The following SH3BP4 variants were observed in gnomAD, a reference collection of about 807,000 sequenced individuals.
SH3BP4 encodes SH3 domain-binding protein 4.
SH3BP4 carries 33 observed loss-of-function variants against 65.5 expected under a neutral mutation model. The ratio of observed to expected loss-of-function variants is 0.50; its 90% CI spans 0.38 to 0.67. The LOEUF (loss-of-function observed/expected upper bound fraction) is 0.67. SH3BP4 is among the 30% of genes least tolerant of loss of function. The pLI is 0.00. For synonymous variants in SH3BP4, 552 were observed against 545.5 expected (o/e 1.01, Z -0.17); for missense variants, 1,134 against 1,261.4 (o/e 0.90, Z 1.53).
rs1245382212 is a variant in SH3BP4 at position 235,026,094 on chromosome 2, C to T, written c.-132-8777C>T. The stretch of plus-strand genomic sequence containing the variant: ...TCTGTGCAGTGTGCTGAGAACAACC[C>T]TACAGAGGGGATGGGGGAGGGATGG... On this transcript the variant is annotated intron_variant, in intron 2 of 5. Transcript: ENST00000392011. This position sits in a 1 kb window ranked among gnomAD's most constrained non-coding sequence, Gnocchi z 4.6. Among the ~76,000 whole-genome samples, 1 of 151,934 alleles carries T rather than the reference C, an allele frequency of 6.6e-6. No homozygotes were observed. Among genetic ancestry groups the T allele is most frequent in the Non-Finnish European group, 1.5e-5 (1 of 67,978 alleles).
At chr2:234,984,984 C>T (rs1458868607) in intron 1 of SH3BP4, among the ~76,000 whole-genome samples, 4 of 152,072 alleles carry the variant, frequency 2.6e-5, no homozygotes, top group Non-Finnish European at 5.9e-5. Context: ...GAGACTATGC[C>T]CTAGAATTGT....
intron 3 of SH3BP4, among the ~76,000 whole-genome samples, chr2:235,037,808 C>T (rs1473934763): frequency 6.6e-6 from 1 of 152,122 alleles, no homozygotes; most frequent in East Asian, 1.9e-4. Context: ...TCAGCCTGAC[C>T]CACATCAATT....
intron 5 of SH3BP4, among the ~76,000 whole-genome samples, chr2:235,053,021 T>C (rs1696111257): frequency 6.6e-6 from 1 of 152,236 alleles, no homozygotes; most frequent in Non-Finnish European, 1.5e-5. Flanking sequence ...CTTGTTCATT[T>C]TGATCTTAAA....
At chr2:235,028,979 A>G (rs1256335614) in intron 2 of SH3BP4, among the ~76,000 whole-genome samples, 2 of 152,286 alleles carry the variant, frequency 1.3e-5, no homozygotes, top group East Asian at 3.9e-4. Flanking sequence ...GAAGCTGCTG[A>G]TGAGAGCCCA....
intron 1 of SH3BP4, among the ~76,000 whole-genome samples, chr2:234,958,648 A>G (rs2106238959): frequency 6.6e-6 from 1 of 151,326 alleles, no homozygotes; most frequent in Admixed American, 6.6e-5. Context: ...GGATGGGAGA[A>G]CAAGTGCCCT....
At chr2:234,957,113 C>T (rs1307265363) in intron 1 of SH3BP4, among the ~76,000 whole-genome samples, 40 of 152,172 alleles carry the variant, frequency 2.6e-4, no homozygotes, top group Admixed American at 2.3e-3. Flanking sequence ...CTCCACCTCC[C>T]AGATTCAAGC....
At position 235,011,204 on chromosome 2, in the gene SH3BP4, C is replaced by G. The variant is rs770903406; in HGVS notation, c.-133+15828C>G. Among the ~76,000 whole-genome samples the G allele has an allele frequency of 5.4e-3, 809 of 150,852 alleles. 6 individuals carry two copies. The highest frequency in any genetic ancestry group is 0.017 in the African/African-American group (715 of 40,870). ...CCTAGGAGAACCCTTCCTCCCTCTCCTAGAACCCTTCCTCTCTCTCCTAGG... is the reference window on the plus strand; with the variant it reads ...CCTAGGAGAACCCTTCCTCCCTCTCGTAGAACCCTTCCTCTCTCTCCTAGG... On this transcript the variant is annotated intron_variant, in intron 2 of 5. Coordinates refer to ENST00000392011, the MANE Select transcript of SH3BP4 (RefSeq NM_014521.3).
At position 235,045,850 on chromosome 2, in the gene SH3BP4, T is replaced by C. The variant is rs769892883; in HGVS notation, c.2478+2603T>C. On this transcript the variant is annotated intron_variant, in intron 4 of 5. Coordinates refer to ENST00000392011, the MANE Select transcript of SH3BP4 (RefSeq NM_014521.3). This position sits in a 1 kb window ranked among gnomAD's most constrained non-coding sequence, Gnocchi z 4.3. ...TTTAGCATAGCTTTCGGTGTCCTTG[T>C]TCTGATGCCTTGGGTTGGAAACAGT... Among the ~76,000 whole-genome samples, 23 of 152,166 alleles carry C rather than the reference T, an allele frequency of 1.5e-4. No individual in the cohort carries two copies. The highest frequency in any genetic ancestry group is 2.9e-4 in the Non-Finnish European group (20 of 68,032).
At chr2:235,039,198 A>G (rs1242270026) in intron 3 of SH3BP4, among the ~76,000 whole-genome samples, 2 of 152,054 alleles carry the variant, frequency 1.3e-5, no homozygotes, top group Non-Finnish European at 2.9e-5. Context: ...TCACAGGAGG[A>G]GGTAGGTGGG....
At chr2:235,015,372 C>T (rs973553541) in intron 2 of SH3BP4, among the ~76,000 whole-genome samples, 6 of 152,218 alleles carry the variant, frequency 3.9e-5, no homozygotes, top group Non-Finnish European at 8.8e-5. Flanking sequence ...AACTTCTAAC[C>T]TCTGCAGAGC....
At chr2:235,011,690 T>C (rs1574818566) in intron 2 of SH3BP4, among the ~76,000 whole-genome samples, 2 of 152,382 alleles carry the variant, frequency 1.3e-5, no homozygotes, top group African/African-American at 4.8e-5. Context: ...ATTTAGTGAA[T>C]GTCCTTCCTC....
At chr2:235,001,447 C>G (rs1009163535) in intron 2 of SH3BP4, among the ~76,000 whole-genome samples, 4 of 152,176 alleles carry the variant, frequency 2.6e-5, no homozygotes, top group Admixed American at 2.6e-4. Context: ...GCCTCAATGT[C>G]TTGGCCAGAG....
At chr2:234,971,080 A>G (rs1452485514) in intron 1 of SH3BP4, among the ~76,000 whole-genome samples, 1 of 152,230 alleles carries the variant, frequency 6.6e-6, no homozygotes, top group African/African-American at 2.4e-5. Context: ...TCTGGAGCAT[A>G]CAGTTCAGTT....
rs940749925 is a variant in SH3BP4 at position 234,977,299 on chromosome 2, G to A, written c.-206-18004G>A. 6.6e-6 allele frequency among the ~76,000 whole-genome samples: 1 copy of A among 152,082 alleles called. No individual in the cohort carries two copies. Among genetic ancestry groups the A allele is most frequent in the African/African-American group, 2.4e-5 (1 of 41,398 alleles). The stretch of plus-strand genomic sequence containing the variant: ...GAACTTCCCTTTCCTACAGACCCTC[G>A]CTTGGTGCGCCATGGCAGCTGGGCC... On this transcript the variant is annotated intron_variant, in intron 1 of 5. Transcript: ENST00000392011. This position sits in a 1 kb window ranked among gnomAD's most constrained non-coding sequence, Gnocchi z 5.1.
chr2:235,038,381 ATATATATAT>A (rs1559254709), intron 3 of SH3BP4, among the ~76,000 whole-genome samples: 1,380 of 40,360 alleles, frequency 0.034, 150 homozygotes, highest in African/African-American at 0.17. Context: ...ATATACATAT[ATATATATAT>A]ATATATATAT....
At chr2:234,993,127 G>C (rs370400062) in intron 1 of SH3BP4, among the ~76,000 whole-genome samples, 2 of 152,230 alleles carry the variant, frequency 1.3e-5, no homozygotes, top group Non-Finnish European at 2.9e-5. Flanking sequence ...CCTGCCTTGG[G>C]CTTGTCTCAG....
intron 4 of SH3BP4, among the ~76,000 whole-genome samples, chr2:235,051,513 C>T (rs563415510): frequency 1.6e-3 from 242 of 152,310 alleles, no homozygotes; most frequent in African/African-American, 5.6e-3. Context: ...ATTACCTCCC[C>T]TCTGACTTCC....
chr2:235,041,375 C>G lies in SH3BP4; in HGVS notation c.606C>G (p.Phe202Leu). The change falls in exon 4 of 6, where the codon TTC becomes TTG. Residue 202 changes from phenylalanine to leucine, a missense_variant. Transcript: ENST00000392011. This position sits in a 1 kb window ranked among gnomAD's most constrained non-coding sequence, Gnocchi z 6.0. ...LLLFDAGTSS[F>L]TESSSATTNS... ...TTTTTGACGCAGGTACATCCTCCTTCACCGAATCCAGCTCAGCCACCACGA... is the reference window on the plus strand; with the variant it reads ...TTTTTGACGCAGGTACATCCTCCTTGACCGAATCCAGCTCAGCCACCACGA... 1 of 1,614,216 alleles carries G rather than the reference C, an allele frequency of 6.2e-7. No homozygotes were observed. The highest frequency in any genetic ancestry group is 1.1e-5 in the South Asian group (1 of 91,078).
At chr2:234,973,523 A>G (rs1693060325) in intron 1 of SH3BP4, among the ~76,000 whole-genome samples, 1 of 152,196 alleles carries the variant, frequency 6.6e-6, no homozygotes, top group South Asian at 2.1e-4. Flanking sequence ...TGCAGGAGGC[A>G]CCAGTCCCAA....
Sources: gnomAD v4.1 joint callset for allele counts (sites outside exome capture counted in the v4.1 genomes callset) on GRCh38, gnomAD v4.1.1 for gene constraint, Gnocchi (gnomAD v3.1) non-coding constraint, MANE v1.5 for transcripts, NCBI Gene and HGNC (gene_info 2026-07-23, HGNC 2026-07-21) for gene names.